The following REXO1 variants were observed in gnomAD, a reference collection of about 807,000 sequenced individuals.
The protein encoded by REXO1 is REX1, RNA exonuclease 1 homolog.
In REXO1, 42 loss-of-function variants were observed where a neutral mutation model predicts 102.6. That is an observed-to-expected ratio of 0.41 (90% confidence interval 0.32 to 0.53). The LOEUF is 0.53. Ranked by LOEUF, REXO1 falls within the 20% of genes least tolerant of loss-of-function variation. The probability of loss-of-function intolerance (pLI) is 0.27; values close to 1 mark genes in which losing one functional copy is unlikely to be tolerated. For synonymous variants in REXO1, 908 were observed against 779.1 expected (o/e 1.17, Z -2.76); for missense variants, 1,819 against 1,732.5 (o/e 1.05, Z -0.89).
At chr19:1,843,594 T>C (rs1452700550) in intron 1 of REXO1, among the ~76,000 whole-genome samples, 1 of 152,122 alleles carries the variant, frequency 6.6e-6, no homozygotes, top group African/African-American at 2.4e-5. Context: ...GTGGCCCGAT[T>C]GCCCACCTGC....
rs2069736058 is a variant in REXO1 at position 1,826,751 on chromosome 19, A to G, written c.1911+127T>C. ...TGAGATTTCAACGGGCTCAGGGACC[A>G]GCACTGAGGAGCTGCCTCCACCCCG... On this transcript the variant is annotated intron_variant, in intron 2 of 15. Coordinates refer to ENST00000170168, the MANE Select transcript of REXO1 (RefSeq NM_020695.4). The surrounding 1 kb of genome is among the most constrained non-coding windows in gnomAD (Gnocchi z 4.3). The G allele has an allele frequency of 1.4e-6, 2 of 1,435,338 alleles. No homozygotes were observed. The highest frequency in any genetic ancestry group is 5.5e-5 in the Admixed American group (2 of 36,538). The allele number at this position is 1,435,338 out of a possible 1,614,324, so 88.9% of individuals were successfully genotyped here.
intron 1 of REXO1, among the ~76,000 whole-genome samples, chr19:1,840,262 G>A (rs1250506440): frequency 6.6e-6 from 1 of 152,190 alleles, no homozygotes; most frequent in African/African-American, 2.4e-5. Context: ...ATCTGAGGAA[G>A]GAAGGAAAGT....
chr19:1,845,121 CT>C (rs1568722386), intron 1 of REXO1, among the ~76,000 whole-genome samples: 1 of 152,198 alleles, frequency 6.6e-6, no homozygotes, highest in African/African-American at 2.4e-5. Context: ...AAGGTGGGAT[CT>C]AGCCCTGCCC....
At chr19:1,842,731 T>C (rs567572216) in intron 1 of REXO1, among the ~76,000 whole-genome samples, 1 of 151,974 alleles carries the variant, frequency 6.6e-6, no homozygotes, top group Non-Finnish European at 1.5e-5. Context: ...TGGTGTGGAG[T>C]CTGGAGGAGG....
intron 4 of REXO1, chr19:1,822,077 GC>G (rs2069561882): frequency 2.2e-6 from 1 of 452,108 alleles, no homozygotes; most frequent in Non-Finnish European, 3.8e-6. Flanking sequence ...TCTGTGTTCT[GC>G]CTTGCCCTTT....
Position 1,828,414 on chromosome 19 carries a change from G to A in REXO1, c.375C>T (p.Pro125=), listed in dbSNP as rs756732043. The change falls in exon 2 of 16, where the codon CCC becomes CCT. Residue 125 remains proline, a synonymous_variant. Transcript: ENST00000170168. The part of the protein sequence containing the change: ...TTREHRSAEA[P]ALAPRGPNAS... Reference sequence around the variant, plus strand: ...CGTTGGGGCCGCGGGGCGCCAGGGCGGGGGCCTCGGCGGAGCGGTGCTCAC... The same window carrying A: ...CGTTGGGGCCGCGGGGCGCCAGGGCAGGGGCCTCGGCGGAGCGGTGCTCAC... 81 of 1,607,480 alleles carry A rather than the reference G, an allele frequency of 5.0e-5. No individual in the cohort carries two copies. The Admixed American group carries it at 7.5e-4, about 15-fold the overall frequency.
chr19:1,832,023 G>A (rs866410253), intron 1 of REXO1, among the ~76,000 whole-genome samples: 29 of 152,102 alleles, frequency 1.9e-4, no homozygotes, highest in African/African-American at 6.5e-4. Context: ...TAGACTGCAG[G>A]TGCGACTTGA....
Position 1,826,861 on chromosome 19 carries a change from G to A in REXO1, c.1911+17C>T. On this transcript the variant is annotated intron_variant, in intron 2 of 15. Coordinates refer to ENST00000170168, the MANE Select transcript of REXO1 (RefSeq NM_020695.4). This position sits in a 1 kb window ranked among gnomAD's most constrained non-coding sequence, Gnocchi z 4.3. ...CTGCCTCTGCCCGAGCCCAGCCCCA[G>A]CACCCGCGCGCCTCACCTGCCGGGC... The A allele has an allele frequency of 1.9e-6, 3 of 1,561,678 alleles. No homozygotes were observed. The highest frequency in any genetic ancestry group is 2.6e-6 in the Non-Finnish European group (3 of 1,154,504).
chr19:1,818,943 C>A, intron 8 of REXO1, 75 bp downstream of exon 8: 1 of 1,571,722 alleles, frequency 6.4e-7, no homozygotes, highest in Non-Finnish European at 8.6e-7. Flanking sequence ...CCACGAAGCA[C>A]CGTGTGGCAC....
chr19:1,838,344 C>T (rs983379462), intron 1 of REXO1, among the ~76,000 whole-genome samples: 5 of 149,542 alleles, frequency 3.3e-5, no homozygotes, highest in South Asian at 2.1e-4. Flanking sequence ...ACCAGCTGGG[C>T]GTGGTGGCTC....
In REXO1 at chr19:1,816,467, G is replaced by C. The variant is rs144308719; in HGVS notation, c.3420C>G (p.Ile1140Met). ...LSMFSADTIL[I>M]GHSLESDLLA... ...GGAGGTCGCTCTCCAGGCTGTGTCC[G>C]ATGAGGATGGTGTCAGCGCTGAACA... Residue 1140 changes from isoleucine (I) to methionine (M), a missense_variant, in exon 14 of 16, where the codon ATC becomes ATG. Transcript: ENST00000170168. 6.2e-7 allele frequency: 1 copy of C among 1,612,486 alleles called. No homozygotes were observed. The highest frequency in any genetic ancestry group is 1.3e-5 in the African/African-American group (1 of 75,032).
At position 1,826,036 on chromosome 19, in the gene REXO1, G is replaced by A. The variant is rs536565352; in HGVS notation, c.1912-93C>T. 3.4e-4 allele frequency: 301 copies of A among 881,952 alleles called. 3 individuals are homozygous for A. The highest frequency in any genetic ancestry group is 3.0e-3 in the African/African-American group (184 of 60,500). 54.6% of individuals were successfully genotyped at this position (881,952 alleles called of 1,614,324 possible). On this transcript the variant is annotated intron_variant, in intron 2 of 15. Coordinates refer to ENST00000170168, the MANE Select transcript of REXO1 (RefSeq NM_020695.4). The surrounding 1 kb of genome is among the most constrained non-coding windows in gnomAD (Gnocchi z 4.3). ...AAACTGCCCCCGGCAAGTGGGGAAT[G>A]GAACAGTCCAGCCCCCAGGCACAGC...
At position 1,826,885 on chromosome 19, in the gene REXO1, G is replaced by C. The variant is rs1167442554; in HGVS notation, c.1904C>G (p.Ala635Gly). ...SVKTEDRGRL[A>G]RQPPKEEKSE... ...AGCACCCGCGCGCCTCACCTGCCGG[G>C]CCAGCCGGCCTCTGTCCTCCGTCTT... Residue 635 changes from alanine to glycine, a missense_variant, in exon 2 of 16, where the codon GCC (alanine) becomes GGC (glycine). Ala to Gly is a moderately conservative substitution (Grantham distance 60). Coordinates refer to ENST00000170168, the MANE Select transcript of REXO1 (RefSeq NM_020695.4). This position sits in a 1 kb window ranked among gnomAD's most constrained non-coding sequence, Gnocchi z 4.3. The C allele has an allele frequency of 4.4e-6, 7 of 1,576,790 alleles. No individual in the cohort carries two copies. The highest frequency in any genetic ancestry group is 5.2e-6 in the Non-Finnish European group (6 of 1,162,480).
intron 12 of REXO1, 109 bp from the exon 13 acceptor site, chr19:1,816,922 G>T: frequency 1.2e-6 from 1 of 859,644 alleles, no homozygotes. Flanking sequence ...GCAGTGACCA[G>T]AGACTCTGTG....
intron 1 of REXO1, among the ~76,000 whole-genome samples, chr19:1,828,971 G>A (rs1024941652): frequency 5.9e-5 from 9 of 152,364 alleles, no homozygotes; most frequent in South Asian, 2.1e-4. Flanking sequence ...GGAACTCCCC[G>A]GGGCAGGCGG....
Position 1,818,754 on chromosome 19 carries a change from G to A in REXO1, c.2854C>T (p.Pro952Ser). 1 of 1,610,290 alleles carries A rather than the reference G, an allele frequency of 6.2e-7. No homozygotes were observed. The highest frequency in any genetic ancestry group is 1.1e-5 in the South Asian group (1 of 91,018). Reference protein sequence around the residue: ...NGYPFPHPERPGGAIIFTAEE... With the variant: ...NGYPFPHPERSGGAIIFTAEE... Reference sequence around the variant, plus strand: ...GCTGTGAAGATGATTGCGCCCCCGGGCCGCTCTGGGTGCGGGAAGGGGTAG... The same window carrying A: ...GCTGTGAAGATGATTGCGCCCCCGGACCGCTCTGGGTGCGGGAAGGGGTAG... Residue 952 changes from proline to serine, a missense_variant, in exon 9 of 16, where the codon CCC becomes TCC. Transcript: ENST00000170168.
At chr19:1,825,165 T>C (rs1387037762) in intron 3 of REXO1, among the ~76,000 whole-genome samples, 3 of 149,204 alleles carry the variant, frequency 2.0e-5, no homozygotes, top group Non-Finnish European at 3.0e-5. Flanking sequence ...CCTGGTGTGG[T>C]GGTGGGCACC....
chr19:1,820,435 A>G (rs1438550737), intron 5 of REXO1, 40 bp from the exon 6 acceptor site: 3 of 1,607,332 alleles, frequency 1.9e-6, no homozygotes, highest in Non-Finnish European at 2.5e-6. Flanking sequence ...GAGGGCCTCC[A>G]CAAGGCCTCC....
chr19:1,843,984 A>T (rs1047777893), intron 1 of REXO1, among the ~76,000 whole-genome samples: 3 of 152,194 alleles, frequency 2.0e-5, no homozygotes, highest in Non-Finnish European at 4.4e-5. Context: ...GGGGCCTCAG[A>T]GTTTCCGAGG....
Sources: gnomAD v4.1 joint callset for allele counts (sites outside exome capture counted in the v4.1 genomes callset) on GRCh38, gnomAD v4.1.1 for gene constraint, Gnocchi (gnomAD v3.1) non-coding constraint, MANE v1.5 for transcripts, NCBI Gene and HGNC (gene_info 2026-07-23, HGNC 2026-07-21) for gene names.